Variants in AGMO observed in about 807,000 individuals in gnomAD.
AGMO encodes the protein alkylglycerol monooxygenase, also known as glyceryl-ether monooxygenase.
A neutral mutation model predicts 60.2 loss-of-function variants in AGMO; 75 were observed. The ratio of observed to expected loss-of-function variants is 1.25; its 90% CI spans 1.03 to 1.51. The LOEUF (loss-of-function observed/expected upper bound fraction) is 1.51. Among genes scored for constraint, AGMO ranks in the 40% most tolerant of loss-of-function variants. AGMO has a pLI of 0.00. For synonymous variants in AGMO, 261 were observed against 177.1 expected (o/e 1.47, Z -3.76); for missense variants, 763 against 525.5 (o/e 1.45, Z -4.42).
At chr7:15,370,611 T>C (rs898460077) in intron 10 of AGMO, among the ~76,000 whole-genome samples, 1 of 152,182 alleles carries the variant, frequency 6.6e-6, no homozygotes, top group African/African-American at 2.4e-5. Context: ...TATCTCATTG[T>C]GGTTTTGATT....
chr7:15,522,482 G>A (rs1784023352), intron 3 of AGMO, among the ~76,000 whole-genome samples: 1 of 152,074 alleles, frequency 6.6e-6, no homozygotes, highest in African/African-American at 2.4e-5. Context: ...AAACAGCATG[G>A]TACTAGTACC....
intron 12 of AGMO, among the ~76,000 whole-genome samples, chr7:15,292,727 A>G (rs1289565002): frequency 6.7e-6 from 1 of 150,338 alleles, no homozygotes; most frequent in African/African-American, 2.4e-5. Flanking sequence ...GCCTCTGGAA[A>G]TACAGTCTCC....
In AGMO at chr7:15,222,131, G is replaced by T. The variant is rs1390526020; in HGVS notation, c.1264-20772C>A. 2.0e-5 allele frequency among the ~76,000 whole-genome samples: 3 copies of T among 152,026 alleles called. No homozygotes were observed. The East Asian group carries it at 5.8e-4, about 29-fold the overall frequency. ...TGTAAGCTTCAAATTAGTCCAACTT[G>T]CTACTTTTTAGTCACTTTATTAAAG... On this transcript the variant is annotated intron_variant, in intron 12 of 12. Transcript: ENST00000342526.
chr7:15,353,386 G>A (rs555689842), intron 12 of AGMO, among the ~76,000 whole-genome samples: 1 of 152,126 alleles, frequency 6.6e-6, no homozygotes, highest in African/African-American at 2.4e-5. Context: ...AATGGGGATT[G>A]TATTCATGTT....
intron 3 of AGMO, among the ~76,000 whole-genome samples, chr7:15,455,838 C>A (rs1008562740): frequency 6.6e-6 from 1 of 151,948 alleles, no homozygotes; most frequent in Admixed American, 6.6e-5. Context: ...TGCTAGTTTA[C>A]GTTTCTATTC....
chr7:15,348,205 C>G (rs1044954458), intron 12 of AGMO, among the ~76,000 whole-genome samples: 3 of 151,998 alleles, frequency 2.0e-5, no homozygotes, highest in Non-Finnish European at 4.4e-5. Flanking sequence ...GGTCCATATC[C>G]TAATGAGTCA....
rs188793457 is a variant in AGMO at position 15,465,434 on chromosome 7, T to A, written c.410-34326A>T. 2.4e-4 allele frequency among the ~76,000 whole-genome samples: 36 copies of A among 150,846 alleles called. No homozygotes were observed. In the East Asian group the frequency reaches 6.7e-3, roughly 28 times the overall value. On this transcript the variant is annotated intron_variant, in intron 3 of 12. Transcript: ENST00000342526. ...AGAATAAAAGTCTCAAAGTTGTGAA[T>A]TTTTTTGAGACAAGATCTTGCTCTT...
intron 12 of AGMO, among the ~76,000 whole-genome samples, chr7:15,360,707 T>C (rs564019784): frequency 4.6e-5 from 7 of 151,330 alleles, no homozygotes; most frequent in African/African-American, 1.5e-4. Context: ...GTAATATTTA[T>C]TGAAAAAAAA....
chr7:15,308,604 T>G (rs1002568991), intron 12 of AGMO, among the ~76,000 whole-genome samples: 1 of 152,174 alleles, frequency 6.6e-6, no homozygotes, highest in Non-Finnish European at 1.5e-5. Context: ...TTTATGCCTT[T>G]AAATTATTTT....
At chr7:15,520,208 G>A (rs10264131) in intron 3 of AGMO, among the ~76,000 whole-genome samples, 1 of 152,096 alleles carries the variant, frequency 6.6e-6, no homozygotes, top group African/African-American at 2.4e-5. Context: ...CAAGTGCTTA[G>A]AGACCTACGA....
At chr7:15,503,257 A>G (rs1187074602) in intron 3 of AGMO, among the ~76,000 whole-genome samples, 1 of 151,996 alleles carries the variant, frequency 6.6e-6, no homozygotes, top group Admixed American at 6.6e-5. Flanking sequence ...TCAAGCATAC[A>G]TTGTGTCACT....
In AGMO at chr7:15,321,069, G is replaced by T. The variant is rs527986967; in HGVS notation, c.1263+44445C>A. Among the ~76,000 whole-genome samples, 3 of 152,162 alleles carry T rather than the reference G, an allele frequency of 2.0e-5. No homozygotes were observed. In the East Asian group the frequency reaches 5.8e-4, roughly 29 times the overall value. ...GAGGACTATTTCATACAATATTTTT[G>T]TTTGTTTTGCAGTTGTGAAGTTCAA... is the stretch of plus-strand genomic sequence containing the variant. On this transcript the variant is annotated intron_variant, in intron 12 of 12. Coordinates refer to ENST00000342526, the MANE Select transcript of AGMO (RefSeq NM_001004320.2).
At chr7:15,302,525 G>T (rs6942853) in intron 12 of AGMO, among the ~76,000 whole-genome samples, 53,042 of 151,914 alleles carry the variant, frequency 0.35, 10,874 homozygotes, top group East Asian at 0.49. Context: ...ATATAATACA[G>T]AAATTAAAAT....
At chr7:15,385,989 T>C (rs1783894796) in intron 9 of AGMO, among the ~76,000 whole-genome samples, 2 of 152,104 alleles carry the variant, frequency 1.3e-5, no homozygotes, top group African/African-American at 4.8e-5. Context: ...GTGACCAGCC[T>C]GGCCAACATG....
the AGMO span, among the ~76,000 whole-genome samples, chr7:15,171,949 T>C: frequency 6.6e-6 from 1 of 152,188 alleles, no homozygotes; most frequent in Admixed American, 6.5e-5. Flanking sequence ...GGCTCAGCAC[T>C]ATAGGCCACT....
chr7:15,534,505 A>T (rs1032608112), intron 3 of AGMO, among the ~76,000 whole-genome samples: 5 of 152,002 alleles, frequency 3.3e-5, no homozygotes, highest in African/African-American at 9.7e-5. Context: ...CTAGGAAGAG[A>T]TCATTAGTAT....
intron 12 of AGMO, among the ~76,000 whole-genome samples, chr7:15,305,817 C>A (rs1343246419): frequency 6.6e-6 from 1 of 151,802 alleles, no homozygotes; most frequent in Admixed American, 6.6e-5. Context: ...CTTGTTTTTC[C>A]TCCAGAAAGG....
At chr7:15,557,850 A>G (rs1178232968) in intron 2 of AGMO, among the ~76,000 whole-genome samples, 2 of 152,100 alleles carry the variant, frequency 1.3e-5, no homozygotes, top group Admixed American at 6.6e-5. Context: ...TCTCCAAATT[A>G]AAGTTCATAA....
intron 3 of AGMO, among the ~76,000 whole-genome samples, chr7:15,444,486 T>C (rs1781646523): frequency 6.6e-6 from 1 of 152,202 alleles, no homozygotes; most frequent in African/African-American, 2.4e-5. Context: ...TTATTGGCCT[T>C]CTTGCCAAAA....
Sources: allele counts gnomAD v4.1 joint callset (sites outside exome capture counted in the v4.1 genomes callset), GRCh38; gene constraint gnomAD v4.1.1; transcripts MANE v1.5; gene names NCBI Gene and HGNC (gene_info 2026-07-23, HGNC 2026-07-21).